Variants in XPR1 observed in about 807,000 individuals in gnomAD.
XPR1 encodes the protein xenotropic and polytropic retrovirus receptor 1, also known as solute carrier family 53 member 1.
A neutral mutation model predicts 87.5 loss-of-function variants in XPR1; 28 were observed. The ratio of observed to expected loss-of-function variants is 0.32; its 90% CI spans 0.24 to 0.44. The LOEUF is 0.44. XPR1 is among the 20% of genes least tolerant of loss of function. The pLI, the probability that XPR1 is intolerant of heterozygous loss-of-function variation, is 1.00. For missense variants in XPR1, 559 were observed against 862.3 expected, an observed-to-expected ratio of 0.65 and a Z score of 4.41; for synonymous variants, 300 against 306.1, an observed-to-expected ratio of 0.98 and a Z score of 0.21.
intron 2 of XPR1, among the ~76,000 whole-genome samples, chr1:180,711,396 G>T (rs1174217990): frequency 6.6e-6 from 1 of 152,214 alleles, no homozygotes. Context: ...CAGATCACTC[G>T]CGGTTAGGAG....
intron 2 of XPR1, among the ~76,000 whole-genome samples, chr1:180,751,130 C>G (rs1360762686): frequency 6.6e-6 from 1 of 151,992 alleles, no homozygotes; most frequent in Non-Finnish European, 1.5e-5. Flanking sequence ...GTTAAATTCA[C>G]TTACTCTAGA....
intron 1 of XPR1, among the ~76,000 whole-genome samples, chr1:180,651,267 T>G (rs916203175): frequency 6.6e-6 from 1 of 152,138 alleles, no homozygotes; most frequent in Non-Finnish European, 1.5e-5. Flanking sequence ...AATTTGTGTA[T>G]TTTTAGTAGA....
At chr1:180,771,317 T>C (rs905992761) in intron 2 of XPR1, among the ~76,000 whole-genome samples, 5 of 152,156 alleles carry the variant, frequency 3.3e-5, no homozygotes, top group Non-Finnish European at 7.4e-5. Flanking sequence ...CCCTAGACAT[T>C]TTGAATTAAT....
At chr1:180,829,471 G>A (rs1253489526) in intron 9 of XPR1, among the ~76,000 whole-genome samples, 3 of 152,166 alleles carry the variant, frequency 2.0e-5, no homozygotes, top group Non-Finnish European at 4.4e-5. Flanking sequence ...GAATTTGACT[G>A]TGTGTAAATG....
intron 1 of XPR1, among the ~76,000 whole-genome samples, chr1:180,636,976 G>C (rs184059063): frequency 2.1e-4 from 32 of 150,798 alleles, no homozygotes; most frequent in Admixed American, 4.6e-4. Flanking sequence ...CGATTGAACC[G>C]GGGAGGCGGA....
chr1:180,721,896 C>A (rs1289804920), intron 2 of XPR1, among the ~76,000 whole-genome samples: 1 of 151,954 alleles, frequency 6.6e-6, no homozygotes, highest in African/African-American at 2.4e-5. Context: ...ATGTGTTAAT[C>A]GACTGTTTAT....
intron 1 of XPR1, among the ~76,000 whole-genome samples, chr1:180,651,323 C>T (rs1571679741): frequency 6.6e-6 from 1 of 152,252 alleles, no homozygotes; most frequent in Middle Eastern, 3.4e-3. Context: ...AACTCCTGAC[C>T]TCAGGTCATC....
intron 2 of XPR1, among the ~76,000 whole-genome samples, chr1:180,784,055 A>T (rs1166769551): frequency 6.6e-6 from 1 of 150,962 alleles, no homozygotes; most frequent in Non-Finnish European, 1.5e-5. Flanking sequence ...ACTCTGTCTT[A>T]AAAAAAAACA....
chr1:180,682,311 A>G (rs1292502780), intron 1 of XPR1, 49 bp from the exon 2 acceptor site: 2 of 1,475,486 alleles, frequency 1.4e-6, no homozygotes, highest in African/African-American at 2.8e-5. Flanking sequence ...TACATTCAGT[A>G]TAAAGCTTAC....
intron 7 of XPR1, among the ~76,000 whole-genome samples, chr1:180,821,084 T>G (rs1650612092): frequency 6.6e-6 from 1 of 152,198 alleles, no homozygotes; most frequent in South Asian, 2.1e-4. Flanking sequence ...TTTTTCCTTT[T>G]GTTTCATGTA....
intron 11 of XPR1, among the ~76,000 whole-genome samples, chr1:180,842,053 A>G (rs771704927): frequency 7.2e-5 from 11 of 152,242 alleles, no homozygotes; most frequent in Non-Finnish European, 1.5e-4. Flanking sequence ...ACTAGAAAAC[A>G]TGGACTTTAG....
rs1196085004 is a variant in XPR1 at position 180,787,884 on chromosome 1, T to C, written c.223+30T>C. The C allele has an allele frequency of 3.4e-6, 5 of 1,449,386 alleles. No homozygotes were observed. In the South Asian group the frequency reaches 6.0e-5, roughly 17 times the overall value. The allele number at this position is 1,449,386 out of a possible 1,614,324, so 89.8% of individuals were successfully genotyped here. On this transcript the variant is annotated intron_variant, in intron 3 of 14. Transcript: ENST00000367590. ...GTAATTAAGAGACTTTTTTTTTTGC[T>C]GCCGGGGAAGGATAAATTGTACCAT... is the stretch of plus-strand genomic sequence containing the variant.
chr1:180,714,930 C>T (rs1279059955), intron 2 of XPR1, among the ~76,000 whole-genome samples: 1 of 152,032 alleles, frequency 6.6e-6, no homozygotes, highest in African/African-American at 2.4e-5. Context: ...GAAAGAATAG[C>T]TGATATTCTG....
intron 2 of XPR1, among the ~76,000 whole-genome samples, chr1:180,728,714 A>G (rs1393510215): frequency 1.3e-5 from 2 of 152,250 alleles, no homozygotes; most frequent in Non-Finnish European, 2.9e-5. Context: ...CTTGCTCAGT[A>G]TTCCAAAGCT....
At chr1:180,665,648 A>G (rs61809309) in intron 1 of XPR1, among the ~76,000 whole-genome samples, 1 of 152,080 alleles carries the variant, frequency 6.6e-6, no homozygotes, top group Admixed American at 6.5e-5. Flanking sequence ...CTGGGTTCCA[A>G]TGTGAAGTCT....
intron 1 of XPR1, among the ~76,000 whole-genome samples, chr1:180,648,785 G>A (rs1301798963): frequency 2.0e-5 from 3 of 152,076 alleles, no homozygotes; most frequent in Non-Finnish European, 4.4e-5. Flanking sequence ...TGGAATTACA[G>A]GTGTAAGCCA....
intron 11 of XPR1, among the ~76,000 whole-genome samples, chr1:180,852,743 T>G (rs1651904335): frequency 6.6e-6 from 1 of 152,106 alleles, no homozygotes; most frequent in Non-Finnish European, 1.5e-5. Context: ...AAAGGTGAGG[T>G]CTCCAACTCC....
intron 3 of XPR1, among the ~76,000 whole-genome samples, chr1:180,790,790 C>G (rs1166710790): frequency 6.6e-6 from 1 of 152,122 alleles, no homozygotes; most frequent in African/African-American, 2.4e-5. Context: ...ATCCGCCTGC[C>G]TCAGCCTCCC....
At chr1:180,852,515 G>C (rs1249510214) in intron 11 of XPR1, among the ~76,000 whole-genome samples, 1 of 151,918 alleles carries the variant, frequency 6.6e-6, no homozygotes, top group Non-Finnish European at 1.5e-5. Context: ...GCTATTTTGA[G>C]AGAGAAAGAG....
Sources: allele counts gnomAD v4.1 joint callset (sites outside exome capture counted in the v4.1 genomes callset), GRCh38; gene constraint gnomAD v4.1.1; transcripts MANE v1.5; gene names NCBI Gene and HGNC (gene_info 2026-07-23, HGNC 2026-07-21).